Variants in KCNQ1OT1 observed in about 807,000 individuals in gnomAD.
KCNQ1OT1 encodes KCNQ1 antisense RNA 2 (non-protein coding).
In KCNQ1OT1 at chr11:2,669,558, C is replaced by T; in HGVS notation, n.30437G>A. On this transcript the variant is annotated non_coding_transcript_exon_variant, in exon 1 of 1. Coordinates refer to ENST00000597346, the Ensembl canonical transcript of KCNQ1OT1. The surrounding 1 kb of genome is among the most constrained non-coding windows in gnomAD (Gnocchi z 5.6). The stretch of plus-strand genomic sequence containing the variant: ...CCAGGGACAAGGTCTGTCAGGGAGC[C>T]CTGGCCAGCTTGGGTCATTTCATCC... 5.0e-6 allele frequency: 2 copies of T among 398,578 alleles called. No individual in the cohort carries two copies. The highest frequency in any genetic ancestry group is 7.1e-5 in the East Asian group (2 of 28,076). The allele number at this position is 398,578 out of a possible 1,614,324, so 24.7% of individuals were successfully genotyped here.
At chr11:2,637,229 G>A (rs1029934638) in exon 1 of KCNQ1OT1, 1 of 151,986 alleles carries the variant, frequency 6.6e-6, no homozygotes, top group Non-Finnish European at 1.5e-5. Context: ...GCTAGCTTTT[G>A]AATGTGTTTG....
At chr11:2,628,307 T>C in exon 1 of KCNQ1OT1, 1 of 398,622 alleles carries the variant, frequency 2.5e-6, no homozygotes, top group Non-Finnish European at 4.4e-6. Context: ...TGCTATCTTT[T>C]GACTTTTTGA....
chr11:2,648,210 G>GT, exon 1 of KCNQ1OT1: 1 of 397,768 alleles, frequency 2.5e-6, no homozygotes, highest in Non-Finnish European at 4.4e-6. Context: ...GTCTCGGGGG[G>GT]TGGGGGGGAG....
chr11:2,656,896 A>G (rs542993308), exon 1 of KCNQ1OT1: 9 of 398,488 alleles, frequency 2.3e-5, no homozygotes, highest in African/African-American at 8.2e-5. Flanking sequence ...AATTTTTGGT[A>G]TATGATGTGA....
At position 2,676,259 on chromosome 11, in the gene KCNQ1OT1, T is replaced by A. The variant is rs1850292623; in HGVS notation, n.23736A>T. On this transcript the variant is annotated non_coding_transcript_exon_variant, in exon 1 of 1. Coordinates refer to ENST00000597346, the Ensembl canonical transcript of KCNQ1OT1. The surrounding 1 kb of genome is among the most constrained non-coding windows in gnomAD (Gnocchi z 4.2). The stretch of plus-strand genomic sequence containing the variant: ...TGGTGCAGTACATCTGAGAAGCATT[T>A]TTATTGCAAAATGTGTGTTTACATG... The A allele has an allele frequency of 5.0e-6, 2 of 398,528 alleles. 1 individual carries two copies. The highest frequency in any genetic ancestry group is 2.5e-4 in the South Asian group (2 of 7,866). The allele number at this position is 398,528 out of a possible 1,614,324, so 24.7% of individuals were successfully genotyped here.
Position 2,642,134 on chromosome 11 carries a change from A to AT in KCNQ1OT1, n.57860dup, listed in dbSNP as rs1849590048. Reference sequence around the variant, plus strand: ...TTTTTGGTTCCATCTGAATTTTAGGATTTTTTCTATTTCCATGAAAAATGG... The same window carrying AT: ...TTTTTGGTTCCATCTGAATTTTAGGATTTTTTTCTATTTCCATGAAAAATGG... On this transcript the variant is annotated non_coding_transcript_exon_variant, in exon 1 of 1. Transcript: ENST00000597346. This position sits in a 1 kb window ranked among gnomAD's most constrained non-coding sequence, Gnocchi z 4.3. 3 of 398,136 alleles carry AT rather than the reference A, an allele frequency of 7.5e-6. No individual in the cohort carries two copies. Among genetic ancestry groups the AT allele is most frequent in the South Asian group, 2.5e-4 (2 of 7,852 alleles). 24.7% of individuals were successfully genotyped at this position (398,136 alleles called of 1,614,324 possible). A position where few individuals can be genotyped will look rare whatever the true frequency, so the allele number is the denominator to read the frequency against.
At position 2,682,861 on chromosome 11, in the gene KCNQ1OT1, G is replaced by T; in HGVS notation, n.17134C>A. 1 of 398,618 alleles carries T rather than the reference G, an allele frequency of 2.5e-6. No homozygotes were observed. Among genetic ancestry groups the T allele is most frequent in the South Asian group, 1.3e-4 (1 of 7,858 alleles). The allele number at this position is 398,618 out of a possible 1,614,324, so 24.7% of individuals were successfully genotyped here. The stretch of plus-strand genomic sequence containing the variant: ...GAGACCATCTCAGTTTTGTAGACCA[G>T]GAAACTGAGGCTTGGGGATAGCAGA... On this transcript the variant is annotated non_coding_transcript_exon_variant, in exon 1 of 1. Transcript: ENST00000597346. The surrounding 1 kb of genome is among the most constrained non-coding windows in gnomAD (Gnocchi z 5.8).
At chr11:2,689,119 G>A (rs571185205) in exon 1 of KCNQ1OT1, 8 of 398,776 alleles carry the variant, frequency 2.0e-5, no homozygotes, top group African/African-American at 1.6e-4. Flanking sequence ...GCCTGCCCTG[G>A]TGTGAAAGCC....
At chr11:2,641,143 A>C (rs995205401) in exon 1 of KCNQ1OT1, 1 of 398,500 alleles carries the variant, frequency 2.5e-6, no homozygotes, top group Admixed American at 4.4e-5. Context: ...ATGCAGGTAC[A>C]TTTTTAGTAT....
exon 1 of KCNQ1OT1, chr11:2,656,687 T>G: frequency 6.1e-6 from 2 of 327,868 alleles, no homozygotes; most frequent in Admixed American, 5.2e-5. Flanking sequence ...GTCTTTTCAC[T>G]CTTTAAGGTG....
chr11:2,677,448 T>C lies in KCNQ1OT1; in HGVS notation n.22547A>G. ...CAGGGGAGATGATAATTGATGCAGG[T>C]GGCCTCTTGGTCAAGCAGTGAAACC... On this transcript the variant is annotated non_coding_transcript_exon_variant, in exon 1 of 1. Coordinates refer to ENST00000597346, the Ensembl canonical transcript of KCNQ1OT1. The surrounding 1 kb of genome is among the most constrained non-coding windows in gnomAD (Gnocchi z 4.5). 1 of 398,482 alleles carries C rather than the reference T, an allele frequency of 2.5e-6. No individual in the cohort carries two copies. Among genetic ancestry groups the C allele is most frequent in the Non-Finnish European group, 4.4e-6 (1 of 226,034 alleles). The allele number at this position is 398,482 out of a possible 1,614,324, so 24.7% of individuals were successfully genotyped here. A position where few individuals can be genotyped will look rare whatever the true frequency, so the allele number is the denominator to read the frequency against.
At chr11:2,615,155 T>G in exon 1 of KCNQ1OT1, 1 of 398,270 alleles carries the variant, frequency 2.5e-6, no homozygotes, top group Non-Finnish European at 4.4e-6. Flanking sequence ...TTTTTGATGC[T>G]ATTGTAAGTG....
At position 2,624,312 on chromosome 11, in the gene KCNQ1OT1, G is replaced by C. The variant is rs1253741775; in HGVS notation, n.75683C>G. On this transcript the variant is annotated non_coding_transcript_exon_variant, in exon 1 of 1. Transcript: ENST00000597346. This position sits in a 1 kb window ranked among gnomAD's most constrained non-coding sequence, Gnocchi z 4.9. ...TTTTTAAGGTTCTTTATATATTTTG[G>C]ATGAGTCCTTTATCAGGTATATCTT... 1 of 398,308 alleles carries C rather than the reference G, an allele frequency of 2.5e-6. No individual in the cohort carries two copies. The highest frequency in any genetic ancestry group is 4.4e-6 in the Non-Finnish European group (1 of 226,020). 24.7% of individuals were successfully genotyped at this position (398,308 alleles called of 1,614,324 possible). A position where few individuals can be genotyped will look rare whatever the true frequency, so the allele number is the denominator to read the frequency against.
chr11:2,610,158 T>G (rs1175543608), exon 1 of KCNQ1OT1: 1 of 397,856 alleles, frequency 2.5e-6, no homozygotes, highest in Non-Finnish European at 4.4e-6. Context: ...TCTTTTATGA[T>G]TCTTCAATAT....
chr11:2,699,127 C>G (rs1459461433), exon 1 of KCNQ1OT1: 1 of 398,656 alleles, frequency 2.5e-6, no homozygotes, highest in Non-Finnish European at 4.4e-6. Context: ...GATGCGGATT[C>G]CAGACTCCAA....
At position 2,683,106 on chromosome 11, in the gene KCNQ1OT1, G is replaced by A. The variant is rs1408290495; in HGVS notation, n.16889C>T. The A allele has an allele frequency of 3.4e-5, 13 of 387,718 alleles. No individual in the cohort carries two copies. In the East Asian group the frequency reaches 4.8e-4, roughly 14 times the overall value. The allele number at this position is 387,718 out of a possible 1,614,324, so 24.0% of individuals were successfully genotyped here. A position where few individuals can be genotyped will look rare whatever the true frequency, so the allele number is the denominator to read the frequency against. ...GAGCCTTCAGATTTTCTTGTTCCCA[G>A]GATATATCGCACCAACTCAGGAGGG... is the stretch of plus-strand genomic sequence containing the variant. On this transcript the variant is annotated non_coding_transcript_exon_variant, in exon 1 of 1. Coordinates refer to ENST00000597346, the Ensembl canonical transcript of KCNQ1OT1. This position sits in a 1 kb window ranked among gnomAD's most constrained non-coding sequence, Gnocchi z 4.7.
exon 1 of KCNQ1OT1, chr11:2,646,414 T>G (rs1302017949): frequency 5.0e-6 from 2 of 398,528 alleles, no homozygotes; most frequent in African/African-American, 2.1e-5. Context: ...GTGGAAATCT[T>G]TCACCTCCTT....
chr11:2,611,100 GA>G lies in KCNQ1OT1; in HGVS notation n.88894del. ...CTGTTATAAATTTTTATTTCTTTAT[GA>G]CTTCTGTTTATGATTTCTATTTCTT... is the stretch of plus-strand genomic sequence containing the variant. On this transcript the variant is annotated non_coding_transcript_exon_variant, in exon 1 of 1. Coordinates refer to ENST00000597346, the Ensembl canonical transcript of KCNQ1OT1. This position sits in a 1 kb window ranked among gnomAD's most constrained non-coding sequence, Gnocchi z 5.3. 1 of 398,152 alleles carries G rather than the reference GA, an allele frequency of 2.5e-6. No individual in the cohort carries two copies. 24.7% of individuals were successfully genotyped at this position (398,152 alleles called of 1,614,324 possible). A position where few individuals can be genotyped will look rare whatever the true frequency, so the allele number is the denominator to read the frequency against.
Position 2,681,957 on chromosome 11 carries a change from C to T in KCNQ1OT1, n.18038G>A, listed in dbSNP as rs1324631039. The T allele has an allele frequency of 1.3e-5, 5 of 398,500 alleles. No individual in the cohort carries two copies. In the East Asian group the frequency reaches 1.4e-4, roughly 11 times the overall value. The allele number at this position is 398,500 out of a possible 1,614,324, so 24.7% of individuals were successfully genotyped here. ...AATCTTCAAATGATACTACTACTTACACTTCCTGTTTGCCAGGCAAATATA... is the reference window on the plus strand; with the variant it reads ...AATCTTCAAATGATACTACTACTTATACTTCCTGTTTGCCAGGCAAATATA... On this transcript the variant is annotated non_coding_transcript_exon_variant, in exon 1 of 1. Coordinates refer to ENST00000597346, the Ensembl canonical transcript of KCNQ1OT1.
Sources: allele counts gnomAD v4.1 joint callset, GRCh38; gene constraint gnomAD v4.1.1; non-coding constraint Gnocchi (gnomAD v3.1); transcripts MANE v1.5; gene names NCBI Gene and HGNC (gene_info 2026-07-23, HGNC 2026-07-21).